Variants in ADARB2 observed in about 807,000 individuals in gnomAD.
The protein encoded by ADARB2 is adenosine deaminase RNA specific B2 (inactive).
In ADARB2, 25 loss-of-function variants were observed where a neutral mutation model predicts 62.2. The observed-to-expected ratio is 0.40, with a 90% CI of 0.29 to 0.56. The LOEUF is 0.56. ADARB2 is among the 20% of genes least tolerant of loss of function. ADARB2 has a pLI of 0.43. For missense variants in ADARB2, 1,071 were observed against 1,077.4 expected, an observed-to-expected ratio of 0.99 and a Z score of 0.08; for synonymous variants, 572 against 500.8, an observed-to-expected ratio of 1.14 and a Z score of -1.90.
intron 1 of ADARB2, among the ~76,000 whole-genome samples, chr10:1,609,081 G>A (rs1482901031): frequency 6.6e-6 from 1 of 152,216 alleles, no homozygotes; most frequent in Admixed American, 6.5e-5. Context: ...GATCTCAGGA[G>A]CAATGTGCCT....
intron 8 of ADARB2, among the ~76,000 whole-genome samples, chr10:1,185,567 C>T (rs1306231277): frequency 6.6e-6 from 1 of 152,196 alleles, no homozygotes; most frequent in Non-Finnish European, 1.5e-5. Context: ...GCAATGTGAT[C>T]CTGAAACCGC....
chr10:1,664,958 G>T (rs1288356044), intron 1 of ADARB2, among the ~76,000 whole-genome samples: 1 of 152,136 alleles, frequency 6.6e-6, no homozygotes, highest in Non-Finnish European at 1.5e-5. Context: ...TGGCATTCAG[G>T]AGGCCACAGA....
intron 1 of ADARB2, among the ~76,000 whole-genome samples, chr10:1,553,498 A>G (rs1832658481): frequency 6.6e-6 from 1 of 152,158 alleles, no homozygotes; most frequent in African/African-American, 2.4e-5. Context: ...TTAATCAGAG[A>G]AGATTCTAGC....
intron 3 of ADARB2, among the ~76,000 whole-genome samples, chr10:1,273,708 C>T (rs538153140): frequency 1.3e-5 from 2 of 152,326 alleles, no homozygotes; most frequent in African/African-American, 4.8e-5. Context: ...TCAGCTATCA[C>T]CTCAGGCCTC....
At chr10:1,474,642 G>A (rs1400938911) in intron 1 of ADARB2, among the ~76,000 whole-genome samples, 2 of 152,176 alleles carry the variant, frequency 1.3e-5, no homozygotes, top group East Asian at 1.9e-4. Flanking sequence ...CATTTGCTGA[G>A]TGAGACTGTC....
At chr10:1,505,696 C>T (rs1323078723) in intron 1 of ADARB2, among the ~76,000 whole-genome samples, 1 of 114,548 alleles carries the variant, frequency 8.7e-6, no homozygotes, top group African/African-American at 2.8e-5. Context: ...CTTCCGTCCC[C>T]ACCGTGGCAG....
chr10:1,564,093 G>T (rs140105171), intron 1 of ADARB2, among the ~76,000 whole-genome samples: 2,601 of 151,992 alleles, frequency 0.017, 74 homozygotes, highest in African/African-American at 0.058. Context: ...ATAAACATAC[G>T]TGTGCAGGTG....
intron 1 of ADARB2, among the ~76,000 whole-genome samples, chr10:1,637,693 T>C (rs775443097): frequency 2.0e-5 from 3 of 152,218 alleles, no homozygotes; most frequent in Non-Finnish European, 4.4e-5. Context: ...ATAACTTAAA[T>C]GTGTTGCCAC....
At chr10:1,394,463 T>A (rs1378476715) in intron 1 of ADARB2, among the ~76,000 whole-genome samples, 1 of 152,236 alleles carries the variant, frequency 6.6e-6, no homozygotes, top group African/African-American at 2.4e-5. Context: ...GCTGCTTCGG[T>A]TCTCATCTGG....
At chr10:1,413,896 C>T (rs1271814283) in intron 1 of ADARB2, among the ~76,000 whole-genome samples, 1 of 152,214 alleles carries the variant, frequency 6.6e-6, no homozygotes, top group African/African-American at 2.4e-5. Flanking sequence ...GGGATGAGTT[C>T]AGTTAAGCAG....
chr10:1,576,389 A>G (rs75794760), intron 1 of ADARB2, among the ~76,000 whole-genome samples: 41,983 of 126,150 alleles, frequency 0.33, 6,285 homozygotes, highest in Middle Eastern at 0.42. Flanking sequence ...GGGGGCTCAG[A>G]GTCACAGGAG....
chr10:1,648,884 A>G (rs1415840458), intron 1 of ADARB2, among the ~76,000 whole-genome samples: 2 of 152,174 alleles, frequency 1.3e-5, no homozygotes, highest in African/African-American at 4.8e-5. Context: ...CTCATCTTAC[A>G]AGGGCAACTG....
intron 4 of ADARB2, among the ~76,000 whole-genome samples, chr10:1,247,590 C>T (rs1266878076): frequency 1.3e-5 from 2 of 152,154 alleles, no homozygotes; most frequent in African/African-American, 4.8e-5. Flanking sequence ...CCCCTCGGTG[C>T]CATGAGGGTG....
In ADARB2 at chr10:1,636,656, C is replaced by G. The variant is rs953225880; in HGVS notation, c.100+100395G>C. Among the ~76,000 whole-genome samples, 4 of 151,366 alleles carry G rather than the reference C, an allele frequency of 2.6e-5. No individual in the cohort carries two copies. The East Asian group carries it at 5.8e-4, about 22-fold the overall frequency. Reference sequence around the variant, plus strand: ...ACACTTTGTTGATATAAATCTTGTACTTATTCAATTTTTATATATATGTAG... The same window carrying G: ...ACACTTTGTTGATATAAATCTTGTAGTTATTCAATTTTTATATATATGTAG... On this transcript the variant is annotated intron_variant, in intron 1 of 9. Transcript: ENST00000381312.
chr10:1,303,416 A>G (rs949978277), intron 3 of ADARB2, among the ~76,000 whole-genome samples: 7 of 152,002 alleles, frequency 4.6e-5, no homozygotes, highest in Non-Finnish European at 8.8e-5. Context: ...TGTACCTGAA[A>G]GTGATGGGGA....
intron 4 of ADARB2, among the ~76,000 whole-genome samples, chr10:1,267,502 G>C (rs1564241308): frequency 6.6e-6 from 1 of 152,196 alleles, no homozygotes; most frequent in Non-Finnish European, 1.5e-5. Context: ...GCCTCGATGG[G>C]CCTGGCCTGG....
chr10:1,558,192 C>T (rs1271107720), intron 1 of ADARB2, among the ~76,000 whole-genome samples: 2 of 152,024 alleles, frequency 1.3e-5, no homozygotes, highest in African/African-American at 2.4e-5. Context: ...GGAGAGACCC[C>T]GCGTGCCCCA....
chr10:1,265,985 T>C (rs111718577), intron 4 of ADARB2, among the ~76,000 whole-genome samples: 115 of 86,126 alleles, frequency 1.3e-3, no homozygotes, highest in Middle Eastern at 8.5e-3. Context: ...ACGGCCTGAG[T>C]CAGGTCCACG....
At chr10:1,508,703 C>T (rs183739598) in intron 1 of ADARB2, among the ~76,000 whole-genome samples, 137 of 152,248 alleles carry the variant, frequency 9.0e-4, no homozygotes, top group African/African-American at 3.2e-3. Flanking sequence ...CGCTTGAATC[C>T]GGGAGGCGGA....
Sources: gnomAD v4.1 joint callset for allele counts (sites outside exome capture counted in the v4.1 genomes callset) on GRCh38, gnomAD v4.1.1 for gene constraint, MANE v1.5 for transcripts, NCBI Gene and HGNC (gene_info 2026-07-23, HGNC 2026-07-21) for gene names.